ZNF148: variants seen among roughly 807,000 people sequenced by gnomAD.
ZNF148 encodes the protein Beta-Enolase Repressor Factor-1.
ZNF148 carries 7 observed loss-of-function variants against 67.7 expected under a neutral mutation model. The observed-to-expected ratio is 0.10, with a 90% CI of 0.06 to 0.19. The LOEUF (loss-of-function observed/expected upper bound fraction) is 0.19, where lower values mean the gene tolerates loss of function less well. ZNF148 is among the 10% of genes least tolerant of loss of function. The pLI is 1.00. For missense variants in ZNF148, 583 were observed against 947.1 expected, an observed-to-expected ratio of 0.62 and a Z score of 5.05; for synonymous variants, 333 against 330.7, an observed-to-expected ratio of 1.01 and a Z score of -0.08.
At chr3:125,353,565 T>C (rs1263979597) in intron 1 of ZNF148, among the ~76,000 whole-genome samples, 1 of 152,206 alleles carries the variant, frequency 6.6e-6, no homozygotes, top group Admixed American at 6.5e-5. Context: ...CACAGGACTA[T>C]GTACTAATTT....
intron 7 of ZNF148, among the ~76,000 whole-genome samples, chr3:125,241,706 G>C (rs913939145): frequency 1.6e-4 from 24 of 152,094 alleles, no homozygotes; most frequent in Admixed American, 2.6e-4. Context: ...TTATGATTTT[G>C]TACTGGATAA....
At position 125,311,999 on chromosome 3, in the gene ZNF148, T is replaced by C. The variant is rs1940238309; in HGVS notation, c.333+1309A>G. On this transcript the variant is annotated intron_variant, in intron 4 of 8. Coordinates refer to ENST00000360647, the MANE Select transcript of ZNF148 (RefSeq NM_021964.3). ...AGACCCAAAGCAGTTCACTGGTGAA[T>C]TCTACCAAACATTTAAGGAAGAAAT... 2.0e-5 allele frequency among the ~76,000 whole-genome samples: 3 copies of C among 152,184 alleles called. No homozygotes were observed. In the South Asian group the frequency reaches 6.2e-4, roughly 31 times the overall value.
At chr3:125,371,835 C>T (rs1312380021) in intron 1 of ZNF148, among the ~76,000 whole-genome samples, 1 of 151,784 alleles carries the variant, frequency 6.6e-6, no homozygotes, top group Non-Finnish European at 1.5e-5. Context: ...GAGACGGAGG[C>T]GGGTAGATCA....
chr3:125,236,733 C>T (rs9866637), intron 7 of ZNF148, among the ~76,000 whole-genome samples: 6 of 152,104 alleles, frequency 3.9e-5, no homozygotes, highest in Non-Finnish European at 8.8e-5. Context: ...TGTGCTCTTT[C>T]AAGCTCGAGA....
At chr3:125,299,585 A>G (rs1045499395) in intron 4 of ZNF148, among the ~76,000 whole-genome samples, 1 of 152,240 alleles carries the variant, frequency 6.6e-6, no homozygotes, top group Non-Finnish European at 1.5e-5. Flanking sequence ...GGGGAAAAAA[A>G]GGATATAAAC....
Position 125,226,173 on chromosome 3 carries a change from G to C in ZNF148, c.*6168C>G, listed in dbSNP as rs2107815084. ...TCAATGACAGTAACATTTGACTCTT[G>C]CATTTTAGAATAACATTCCACATAA... On this transcript the variant is annotated 3_prime_UTR_variant, in exon 9 of 9. Coordinates refer to ENST00000360647, the MANE Select transcript of ZNF148 (RefSeq NM_021964.3). The C allele has an allele frequency of 6.5e-6, 1 of 152,728 alleles. No homozygotes were observed. Among genetic ancestry groups the C allele is most frequent in the African/African-American group, 2.4e-5 (1 of 41,570 alleles). 9.5% of individuals were successfully genotyped at this position (152,728 alleles called of 1,614,324 possible).
intron 4 of ZNF148, among the ~76,000 whole-genome samples, chr3:125,303,998 C>T (rs934061192): frequency 6.6e-6 from 1 of 151,816 alleles, no homozygotes; most frequent in African/African-American, 2.4e-5. Flanking sequence ...CCATTTTTGC[C>T]ACCTTCCATA....
chr3:125,356,711 T>C lies in ZNF148; in HGVS notation c.-234+18391A>G, dbSNP rs187014403. On this transcript the variant is annotated intron_variant, in intron 1 of 8. Coordinates refer to ENST00000360647, the MANE Select transcript of ZNF148 (RefSeq NM_021964.3). ...ATATAAAACAAAAAGCTGTTTTAAA[T>C]GCAAGCTGTTGGAAAGAGCTTCAAC... Among the ~76,000 whole-genome samples, 347 of 152,336 alleles carry C rather than the reference T, an allele frequency of 2.3e-3. 1 individual carries two copies. Among genetic ancestry groups the C allele is most frequent in the Middle Eastern group, 3.4e-3 (1 of 294 alleles).
chr3:125,299,055 G>C (rs1183610995), intron 4 of ZNF148, among the ~76,000 whole-genome samples: 2 of 152,182 alleles, frequency 1.3e-5, no homozygotes, highest in African/African-American at 4.8e-5. Context: ...TAGAGTAGTA[G>C]ACAGACATTG....
At chr3:125,322,327 T>A (rs1940819275) in intron 3 of ZNF148, among the ~76,000 whole-genome samples, 1 of 151,694 alleles carries the variant, frequency 6.6e-6, no homozygotes, top group African/African-American at 2.4e-5. Flanking sequence ...TTTTTTTTTT[T>A]AATGAAAATA....
At position 125,225,854 on chromosome 3, in the gene ZNF148, A is replaced by T. The variant is rs990789877; in HGVS notation, c.*6487T>A. Reference sequence around the variant, plus strand: ...TACAATTGGTTAAAGCACCATGCTAATAATAAGGCCAGGGTCCTAGGACTG... The same window carrying T: ...TACAATTGGTTAAAGCACCATGCTATTAATAAGGCCAGGGTCCTAGGACTG... On this transcript the variant is annotated 3_prime_UTR_variant, in exon 9 of 9. Coordinates refer to ENST00000360647, the MANE Select transcript of ZNF148 (RefSeq NM_021964.3). 6.6e-6 allele frequency: 1 copy of T among 152,152 alleles called. No homozygotes were observed. The highest frequency in any genetic ancestry group is 1.5e-5 in the Non-Finnish European group (1 of 68,020). 9.4% of individuals were successfully genotyped at this position (152,152 alleles called of 1,614,324 possible).
chr3:125,310,912 T>C (rs982769416), intron 4 of ZNF148: 11 of 216,692 alleles, frequency 5.1e-5, no homozygotes, highest in African/African-American at 2.5e-4. Context: ...CACCCACCGT[T>C]ACCCCCAGCA....
At chr3:125,239,891 C>T (rs576283855) in intron 7 of ZNF148, among the ~76,000 whole-genome samples, 3 of 152,116 alleles carry the variant, frequency 2.0e-5, no homozygotes, top group African/African-American at 7.2e-5. Flanking sequence ...TCCACAGTGA[C>T]AGAAAGTGAT....
intron 7 of ZNF148, among the ~76,000 whole-genome samples, chr3:125,245,936 A>G (rs2107536882): frequency 6.6e-6 from 1 of 152,290 alleles, no homozygotes; most frequent in African/African-American, 2.4e-5. Context: ...TCTGGCCCCT[A>G]CCTTTCTTGT....
intron 1 of ZNF148, among the ~76,000 whole-genome samples, chr3:125,365,818 C>T (rs534696783): frequency 3.9e-5 from 6 of 152,288 alleles, no homozygotes; most frequent in East Asian, 3.9e-4. Flanking sequence ...AAGAGCCTCA[C>T]GTTCGTTCAT....
Position 125,316,071 on chromosome 3 carries a change from T to C in ZNF148, c.-16-2415A>G, listed in dbSNP as rs149765376. Among the ~76,000 whole-genome samples, 379 of 152,330 alleles carry C rather than the reference T, an allele frequency of 2.5e-3. 1 individual carries two copies. Among genetic ancestry groups the C allele is most frequent in the African/African-American group, 8.9e-3 (371 of 41,570 alleles). On this transcript the variant is annotated intron_variant, in intron 3 of 8. Coordinates refer to ENST00000360647, the MANE Select transcript of ZNF148 (RefSeq NM_021964.3). ...CCATGAGTTCAACTGTTTTGATTTTTAGATCCCACAAATAAATGAGAACAT... is the reference window on the plus strand; with the variant it reads ...CCATGAGTTCAACTGTTTTGATTTTCAGATCCCACAAATAAATGAGAACAT...
In ZNF148 at chr3:125,256,967, GTT is replaced by G. The variant is rs10576530; in HGVS notation, c.667+20757_667+20758del. ...TATGTTTTCAGTTCCAGAACTTCCAGTTTTTTTTTTTTTTTTTTTTTTTTACA... is the reference window on the plus strand; with the variant it reads ...TATGTTTTCAGTTCCAGAACTTCCAGTTTTTTTTTTTTTTTTTTTTTTACA... On this transcript the variant is annotated intron_variant, in intron 7 of 8. Coordinates refer to ENST00000360647, the MANE Select transcript of ZNF148 (RefSeq NM_021964.3). Among the ~76,000 whole-genome samples the G allele has an allele frequency of 5.6e-3, 600 of 108,066 alleles. 3 individuals are homozygous for G. Among genetic ancestry groups the G allele is most frequent in the Admixed American group, 0.032 (347 of 10,988 alleles). The allele number at this position is 108,066 out of a possible 152,430, so 70.9% of individuals were successfully genotyped here.
chr3:125,247,217 A>T (rs1936640062), intron 7 of ZNF148, among the ~76,000 whole-genome samples: 1 of 152,156 alleles, frequency 6.6e-6, no homozygotes, highest in South Asian at 2.1e-4. Flanking sequence ...AGAAACTTCA[A>T]ATTCTGCATT....
In ZNF148 at chr3:125,291,094, A is replaced by G. The variant is rs114045155; in HGVS notation, c.334-2866T>C. 7.3e-3 allele frequency among the ~76,000 whole-genome samples: 1,108 copies of G among 152,078 alleles called. 9 individuals are homozygous for G. Among genetic ancestry groups the G allele is most frequent in the African/African-American group, 0.025 (1,023 of 41,494 alleles). ...TCACTACAGTTGCAAATTTTGGTCT[A>G]CCCCCTCTCCCCACCTTCCAAACAA... On this transcript the variant is annotated intron_variant, in intron 4 of 8. Coordinates refer to ENST00000360647, the MANE Select transcript of ZNF148 (RefSeq NM_021964.3).
Sources: gnomAD v4.1 joint callset for allele counts (sites outside exome capture counted in the v4.1 genomes callset) on GRCh38, gnomAD v4.1.1 for gene constraint, MANE v1.5 for transcripts, NCBI Gene and HGNC (gene_info 2026-07-23, HGNC 2026-07-21) for gene names.